ADAMTS18: variants seen among roughly 807,000 people sequenced by gnomAD.
The protein encoded by ADAMTS18 is ADAM metallopeptidase with thrombospondin type 1 motif 18.
A neutral mutation model predicts 165.9 loss-of-function variants in ADAMTS18; 157 were observed. The ratio of observed to expected loss-of-function variants is 0.95; its 90% confidence interval spans 0.83 to 1.08. The LOEUF is 1.08. Among genes scored for constraint, ADAMTS18 ranks in the 50% least tolerant of loss-of-function variants. The pLI, the probability that ADAMTS18 is intolerant of heterozygous loss-of-function variation, is 0.00. For synonymous variants in ADAMTS18, 782 were observed against 578.2 expected (o/e 1.35, Z -5.06); for missense variants, 2,040 against 1,534.0 (o/e 1.33, Z -5.51).
intron 3 of ADAMTS18, among the ~76,000 whole-genome samples, chr16:77,395,862 G>A (rs1310243431): frequency 2.0e-5 from 3 of 152,130 alleles, no homozygotes; most frequent in Non-Finnish European, 2.9e-5. Flanking sequence ...TGGTGGATAT[G>A]AGTTAGATAT....
chr16:77,300,825 A>C lies in ADAMTS18; in HGVS notation c.2533-421T>G, dbSNP rs951849318. On this transcript the variant is annotated intron_variant, in intron 16 of 22. Transcript: ENST00000282849. ...ACAGAAAATAGTTAAAACTGAATCT[A>C]CATATATATATTTTTATGATCTATC... Among the ~76,000 whole-genome samples, 7 of 152,282 alleles carry C rather than the reference A, an allele frequency of 4.6e-5. No individual in the cohort carries two copies. The East Asian group carries it at 1.2e-3, about 25-fold the overall frequency.
intron 21 of ADAMTS18, 140 bp from the exon 22 acceptor site, chr16:77,289,551 T>G (rs753694650): frequency 3.1e-5 from 29 of 935,442 alleles, no homozygotes; most frequent in Non-Finnish European, 4.8e-5. Context: ...CACATGTGCT[T>G]ACAGTCCACA....
rs144252096 is a variant in ADAMTS18 at position 77,292,418 on chromosome 16, A to T, written c.3189+658T>A. On this transcript the variant is annotated intron_variant, in intron 20 of 22. Coordinates refer to ENST00000282849, the MANE Select transcript of ADAMTS18 (RefSeq NM_199355.4). ...ACTAAATGTGCAGTCCCCTGTCATC[A>T]CTCCTGTGTAGAGGCTGCACCCTCT... Among the ~76,000 whole-genome samples the T allele has an allele frequency of 2.4e-3, 363 of 151,770 alleles. 1 individual carries two copies. Among genetic ancestry groups the T allele is most frequent in the African/African-American group, 8.4e-3 (349 of 41,326 alleles).
intron 3 of ADAMTS18, among the ~76,000 whole-genome samples, chr16:77,383,596 T>C (rs896782886): frequency 1.3e-5 from 2 of 152,236 alleles, no homozygotes; most frequent in Middle Eastern, 3.4e-3. Context: ...CAGGCTGGAT[T>C]GCAGTGGCGC....
chr16:77,424,194 C>A (rs965871968), intron 3 of ADAMTS18, among the ~76,000 whole-genome samples: 1 of 152,156 alleles, frequency 6.6e-6, no homozygotes, highest in Non-Finnish European at 1.5e-5. Context: ...GCAGGCCGGG[C>A]GCGGTGGCTC....
At chr16:77,369,242 T>A (rs998812323) in intron 3 of ADAMTS18, among the ~76,000 whole-genome samples, 3 of 152,228 alleles carry the variant, frequency 2.0e-5, no homozygotes, top group Non-Finnish European at 2.9e-5. Context: ...CTTTTTTTCA[T>A]AGTCTAAGCT....
intron 16 of ADAMTS18, among the ~76,000 whole-genome samples, chr16:77,312,496 C>T (rs2055801685): frequency 6.6e-6 from 1 of 152,138 alleles, no homozygotes; most frequent in African/African-American, 2.4e-5. Flanking sequence ...CCTTGGCCTC[C>T]CAAAGTGCTG....
At chr16:77,304,670 T>C (rs2055649459) in intron 16 of ADAMTS18, among the ~76,000 whole-genome samples, 1 of 152,214 alleles carries the variant, frequency 6.6e-6, no homozygotes, top group South Asian at 2.1e-4. Flanking sequence ...CATTTCATAA[T>C]ATCATGGTAA....
chr16:77,375,850 G>T (rs1188221979), intron 3 of ADAMTS18, among the ~76,000 whole-genome samples: 2 of 151,450 alleles, frequency 1.3e-5, no homozygotes, highest in Non-Finnish European at 2.9e-5. Context: ...TCCAATCATG[G>T]CAGAAGGCAA....
chr16:77,335,927 G>C, intron 11 of ADAMTS18, 23 bp from the exon 12 acceptor site: 1 of 1,614,054 alleles, frequency 6.2e-7, no homozygotes. Context: ...CGTGTAAGAT[G>C]GTTCCCGTCA....
At chr16:77,430,670 G>C (rs1364402652) in intron 3 of ADAMTS18, among the ~76,000 whole-genome samples, 2 of 152,160 alleles carry the variant, frequency 1.3e-5, no homozygotes, top group Non-Finnish European at 2.9e-5. Flanking sequence ...TTCTTGGCCT[G>C]GTGCTCAGCA....
chr16:77,286,934 G>C (rs2055264897), intron 22 of ADAMTS18, among the ~76,000 whole-genome samples: 1 of 152,036 alleles, frequency 6.6e-6, no homozygotes, highest in Non-Finnish European at 1.5e-5. Flanking sequence ...ATCCAACCAA[G>C]ATACCCAGAT....
intron 16 of ADAMTS18, among the ~76,000 whole-genome samples, chr16:77,306,701 A>G (rs2055688121): frequency 6.6e-6 from 1 of 152,212 alleles, no homozygotes; most frequent in Admixed American, 6.5e-5. Context: ...AAAATTAACA[A>G]TGCCTATTGA....
rs368488561 is a variant in ADAMTS18 at position 77,364,140 on chromosome 16, C to T, written c.972+48G>A. Reference sequence around the variant, plus strand: ...CAACCCATGCAAGAGAATTCCATGACATTTATTTTCTTTGGAGAGCCAGAA... The same window carrying T: ...CAACCCATGCAAGAGAATTCCATGATATTTATTTTCTTTGGAGAGCCAGAA... On this transcript the variant is annotated intron_variant, in intron 5 of 22. Coordinates refer to ENST00000282849, the MANE Select transcript of ADAMTS18 (RefSeq NM_199355.4). 8 of 1,609,994 alleles carry T rather than the reference C, an allele frequency of 5.0e-6. No homozygotes were observed. The African/African-American group carries it at 8.0e-5, about 16-fold the overall frequency.
chr16:77,399,744 ATT>A lies in ADAMTS18; in HGVS notation c.495+31549_495+31550del, dbSNP rs542380794. ...CATTCAAAACATGTCAATAGCTACTATTCAGGATGCAACCATGACTTATATTC... is the reference window on the plus strand; with the variant it reads ...CATTCAAAACATGTCAATAGCTACTACAGGATGCAACCATGACTTATATTC... On this transcript the variant is annotated intron_variant, in intron 3 of 22. Coordinates refer to ENST00000282849, the MANE Select transcript of ADAMTS18 (RefSeq NM_199355.4). Among the ~76,000 whole-genome samples, 140 of 152,304 alleles carry A rather than the reference ATT, an allele frequency of 9.2e-4. No individual in the cohort carries two copies. The South Asian group carries it at 0.029, about 31-fold the overall frequency.
chr16:77,363,761 C>T (rs778086539), intron 6 of ADAMTS18, 41 bp downstream of exon 6: 64 of 1,567,104 alleles, frequency 4.1e-5, no homozygotes, highest in South Asian at 2.3e-4. Context: ...GTATTCTGAA[C>T]GGCAGACTGA....
At chr16:77,420,673 C>A (rs1475288866) in intron 3 of ADAMTS18, among the ~76,000 whole-genome samples, 1 of 152,138 alleles carries the variant, frequency 6.6e-6, no homozygotes, top group Non-Finnish European at 1.5e-5. Context: ...AAAGGAAAAC[C>A]CTGTGACAAG....
intron 3 of ADAMTS18, among the ~76,000 whole-genome samples, chr16:77,419,439 T>A (rs1433525894): frequency 6.6e-6 from 1 of 152,116 alleles, no homozygotes; most frequent in Admixed American, 6.5e-5. Flanking sequence ...CATGGCCTCT[T>A]CCATCTCCAA....
intron 12 of ADAMTS18, among the ~76,000 whole-genome samples, chr16:77,330,905 A>G (rs2056178155): frequency 6.6e-6 from 1 of 152,242 alleles, no homozygotes; most frequent in Non-Finnish European, 1.5e-5. Context: ...CTGAAGCAAG[A>G]AAGAAATCCA....
Sources: gnomAD v4.1 joint callset for allele counts (sites outside exome capture counted in the v4.1 genomes callset) on GRCh38, gnomAD v4.1.1 for gene constraint, MANE v1.5 for transcripts, NCBI Gene and HGNC (gene_info 2026-07-23, HGNC 2026-07-21) for gene names.